Variants in PCDHA2 observed in about 807,000 individuals in gnomAD.
PCDHA2 encodes protocadherin alpha 2.
A neutral mutation model predicts 66.0 loss-of-function variants in PCDHA2; 58 were observed. That is an observed-to-expected ratio of 0.88 (90% CI 0.71 to 1.09). PCDHA2 has a LOEUF of 1.09. Ranked by LOEUF, PCDHA2 falls within the 50% of genes least tolerant of loss-of-function variation. The pLI, the probability that PCDHA2 is intolerant of heterozygous loss-of-function variation, is 0.00. For missense variants in PCDHA2, 1,267 were observed against 1,242.3 expected, an observed-to-expected ratio of 1.02 and a Z score of -0.30; for synonymous variants, 634 against 554.0, an observed-to-expected ratio of 1.14 and a Z score of -2.03.
At chr5:140,960,557 G>A (rs2095556177) in intron 1 of PCDHA2, among the ~76,000 whole-genome samples, 1 of 152,104 alleles carries the variant, frequency 6.6e-6, no homozygotes. Context: ...TATAGACTGA[G>A]CTTAGGAAAA....
intron 1 of PCDHA2, chr5:140,831,338 AATTT>A (rs1275067548): frequency 6.7e-6 from 1 of 149,500 alleles, no homozygotes; most frequent in East Asian, 2.0e-4. Context: ...TCTACACAGT[AATTT>A]AAACTATTCA....
At chr5:140,797,479 A>G (rs781851255) in intron 1 of PCDHA2, 127 bp downstream of exon 1, 20 of 1,089,882 alleles carry the variant, frequency 1.8e-5, no homozygotes, top group Non-Finnish European at 2.5e-5. Flanking sequence ...TGCGATTTTG[A>G]ATATGAATTA....
At chr5:140,810,700 C>T (rs1160522767) in intron 1 of PCDHA2, 3 of 151,642 alleles carry the variant, frequency 2.0e-5, no homozygotes, top group Non-Finnish European at 4.4e-5. Flanking sequence ...TTCCATAGAA[C>T]TTTATTTATT....
intron 1 of PCDHA2, chr5:140,836,295 G>A: frequency 1.9e-6 from 3 of 1,613,804 alleles, no homozygotes; most frequent in South Asian, 2.2e-5. Flanking sequence ...ACGAGCCCTA[G>A]ATGAGACGGA....
At chr5:140,990,429 C>A (rs2097393514) in intron 3 of PCDHA2, among the ~76,000 whole-genome samples, 1 of 152,144 alleles carries the variant, frequency 6.6e-6, no homozygotes, top group African/African-American at 2.4e-5. Context: ...CAGCATTGAC[C>A]CAATCTTGTG....
At chr5:140,962,564 G>A (rs1224952009) in intron 1 of PCDHA2, among the ~76,000 whole-genome samples, 2 of 152,124 alleles carry the variant, frequency 1.3e-5, no homozygotes, top group Non-Finnish European at 2.9e-5. Context: ...CCCCCTAAAA[G>A]CCAATTGTTA....
chr5:140,952,582 G>A (rs552541968), intron 1 of PCDHA2, among the ~76,000 whole-genome samples: 4 of 152,220 alleles, frequency 2.6e-5, no homozygotes, highest in East Asian at 3.9e-4. Context: ...AATCATTCAA[G>A]TAGTCTCTAG....
intron 1 of PCDHA2, among the ~76,000 whole-genome samples, chr5:140,930,807 A>G (rs2087132034): frequency 6.6e-6 from 1 of 152,206 alleles, no homozygotes; most frequent in Non-Finnish European, 1.5e-5. Flanking sequence ...AGCATATAAG[A>G]TATGCTTAGT....
At chr5:140,856,761 C>T (rs377564040) in intron 1 of PCDHA2, 2 of 1,596,598 alleles carry the variant, frequency 1.3e-6, no homozygotes, top group Non-Finnish European at 1.7e-6. Context: ...AATGATAACG[C>T]CCCTATCTTT....
chr5:140,875,388 G>A, intron 1 of PCDHA2: 5 of 1,468,696 alleles, frequency 3.4e-6, no homozygotes, highest in Non-Finnish European at 4.5e-6. Flanking sequence ...TGTACTTACA[G>A]AAAAGGGTGA....
intron 1 of PCDHA2, chr5:140,809,155 G>A (rs567757480): frequency 3.1e-6 from 5 of 1,613,980 alleles, no homozygotes; most frequent in Non-Finnish European, 4.2e-6. Flanking sequence ...ACCACGGCGA[G>A]CCCGCGCTGA....
intron 1 of PCDHA2, among the ~76,000 whole-genome samples, chr5:140,948,089 G>A (rs1348120900): frequency 6.6e-6 from 1 of 151,454 alleles, no homozygotes; most frequent in African/African-American, 2.4e-5. Flanking sequence ...CTATTGATAT[G>A]AGCATATGAT....
rs782443702 is a variant in PCDHA2 at position 140,824,610 on chromosome 5, G to GTTTTTTTTTTTTTTTTTTT, written c.2388+27262_2388+27280dup. 21 of 95,112 alleles carry GTTTTTTTTTTTTTTTTTTT rather than the reference G, an allele frequency of 2.2e-4. 4 individuals carry two copies. Among genetic ancestry groups the GTTTTTTTTTTTTTTTTTTT allele is most frequent in the Middle Eastern group, 6.7e-3 (1 of 150 alleles). 5.9% of individuals were successfully genotyped at this position (95,112 alleles called of 1,614,324 possible). A position where few individuals can be genotyped will look rare whatever the true frequency, so the allele number is the denominator to read the frequency against. On this transcript the variant is annotated intron_variant, in intron 1 of 3. Transcript: ENST00000526136. ...GGACTACATGCACATGCTAATTAAA[G>GTTTTTTTTTTTTTTTTTTT]TTTTTTTTTTTTTTTTTTTTTTATT...
At chr5:140,843,447 G>A (rs373780721) in intron 1 of PCDHA2, 12 of 1,596,056 alleles carry the variant, frequency 7.5e-6, no homozygotes, top group Non-Finnish European at 1.0e-5. Flanking sequence ...GCGGTATCCA[G>A]CCTGCTGGTG....
At chr5:140,858,949 G>A in intron 1 of PCDHA2, 1 of 158,970 alleles carries the variant, frequency 6.3e-6, no homozygotes, top group Non-Finnish European at 1.4e-5. Flanking sequence ...AGTGATTACA[G>A]CTTTTTCTCA....
chr5:140,823,295 T>C (rs1383597975), intron 1 of PCDHA2: 2 of 1,612,142 alleles, frequency 1.2e-6, no homozygotes, highest in African/African-American at 2.7e-5. Flanking sequence ...TCGAGTTACG[T>C]TTCGGTGCAC....
rs781960813 is a variant in PCDHA2 at position 140,883,266 on chromosome 5, A to C, written c.2388+85914A>C. On this transcript the variant is annotated intron_variant, in intron 1 of 3. Transcript: ENST00000526136. ...AAAGGAAATATTCCAATGGCGGGTCATTGTACCCTTTTGGTGGAAGTACTA... is the reference window on the plus strand; with the variant it reads ...AAAGGAAATATTCCAATGGCGGGTCCTTGTACCCTTTTGGTGGAAGTACTA... 2.7e-5 allele frequency: 43 copies of C among 1,614,082 alleles called. No individual in the cohort carries two copies. In the African/African-American group the frequency reaches 4.7e-4, roughly 18 times the overall value.
chr5:140,869,879 C>A (rs781975601), intron 1 of PCDHA2: 2 of 1,610,194 alleles, frequency 1.2e-6, no homozygotes, highest in Non-Finnish European at 1.7e-6. Flanking sequence ...GCTAAAGAAA[C>A]TCTTGTGCTC....
chr5:140,965,229 C>A (rs1554227498), intron 1 of PCDHA2, among the ~76,000 whole-genome samples: 1 of 152,124 alleles, frequency 6.6e-6, no homozygotes, highest in Non-Finnish European at 1.5e-5. Context: ...AATGTGAGAA[C>A]CTGGGAAGAG....
Sources: allele counts gnomAD v4.1 joint callset (sites outside exome capture counted in the v4.1 genomes callset), GRCh38; gene constraint gnomAD v4.1.1; transcripts MANE v1.5; gene names NCBI Gene and HGNC (gene_info 2026-07-23, HGNC 2026-07-21).